Variants in IQCN observed in about 807,000 individuals in gnomAD.
The protein encoded by IQCN is IQ domain-containing protein N.
Under a neutral mutation model 64.4 loss-of-function variants are expected in IQCN, and 46 were observed. The observed-to-expected ratio is 0.71, with a 90% confidence interval of 0.56 to 0.91. The LOEUF (loss-of-function observed/expected upper bound fraction) is 0.91, where lower values mean the gene tolerates loss of function less well. Among genes scored for constraint, IQCN ranks in the 40% least tolerant of loss-of-function variants. The probability of loss-of-function intolerance (pLI) is 0.00; values close to 1 mark genes in which losing one functional copy is unlikely to be tolerated. For synonymous variants in IQCN, 733 were observed against 775.6 expected (o/e 0.95, Z 0.91); for missense variants, 1,753 against 1,857.4 (o/e 0.94, Z 1.03).
intron 3 of IQCN, chr19:18,262,745 G>A (rs1969458602): frequency 6.6e-6 from 1 of 152,214 alleles, no homozygotes; most frequent in Non-Finnish European, 1.5e-5. Context: ...ATAGGCTTGG[G>A]GCCAGCCTAC....
rs1164021046 is a variant in IQCN, at chr19:18,258,316, C to T, written c.3178-210G>A. On this transcript the variant is annotated intron_variant, in intron 3 of 3. Transcript: ENST00000392413. ...TGTGTCATCTCCCCAGTGCGGATGA[C>T]GGGCCTTACCTCTGCAGAGGGCCTG... 7.1e-6 allele frequency: 5 copies of T among 706,722 alleles called. No homozygotes were observed. In the Admixed American group the frequency reaches 1.0e-4, roughly 14 times the overall value. 43.8% of individuals were successfully genotyped at this position (706,722 alleles called of 1,614,324 possible). A position where few individuals can be genotyped will look rare whatever the true frequency, so the allele number is the denominator to read the frequency against.
intron 2 of IQCN, among the ~76,000 whole-genome samples, chr19:18,268,686 A>G (rs60609985): frequency 0.35 from 53,699 of 151,574 alleles, 10,232 homozygotes; most frequent in African/African-American, 0.49. Flanking sequence ...AAAGTAGGCC[A>G]GGCACAGTGG....
rs563174119 is a variant in IQCN at position 18,271,881 on chromosome 19, C to G, written c.-109-2294G>C. Reference sequence around the variant, plus strand: ...AGTGCAGCGGCACTCAGCATCTTGGCTCACTGCAACCTCCGCCTCCTGGGT... The same window carrying G: ...AGTGCAGCGGCACTCAGCATCTTGGGTCACTGCAACCTCCGCCTCCTGGGT... On this transcript the variant is annotated intron_variant, in intron 1 of 3. Coordinates refer to ENST00000392413, the MANE Select transcript of IQCN (RefSeq NM_001145304.2). Among the ~76,000 whole-genome samples, 434 of 152,256 alleles carry G rather than the reference C, an allele frequency of 2.9e-3. 4 individuals carry two copies. Among genetic ancestry groups the G allele is most frequent in the Middle Eastern group, 6.8e-3 (2 of 294 alleles).
intron 3 of IQCN, among the ~76,000 whole-genome samples, chr19:18,263,982 G>A (rs546968910): frequency 5.3e-5 from 8 of 152,304 alleles, no homozygotes; most frequent in East Asian, 3.9e-4. Context: ...CCACAGACTC[G>A]GGGGTGGCTG....
chr19:18,258,139 G>T, intron 3 of IQCN, 33 bp from the exon 4 acceptor site: 1 of 1,600,576 alleles, frequency 6.2e-7, no homozygotes, highest in South Asian at 1.1e-5. Context: ...GATGCCTTGT[G>T]ACTAACGGCA....
Position 18,257,986 on chromosome 19 carries a change from C to G in IQCN, c.3298G>C (p.Gly1100Arg). 1 of 1,612,434 alleles carries G rather than the reference C, an allele frequency of 6.2e-7. No individual in the cohort carries two copies. The change falls in exon 4 of 4, where the codon GGG (glycine) becomes CGG (arginine). Residue 1100 changes from glycine to arginine, a missense_variant. Gly to Arg is a moderately radical substitution (Grantham distance 125). Coordinates refer to ENST00000392413, the MANE Select transcript of IQCN (RefSeq NM_001145304.2). Reference sequence around the variant, plus strand: ...GCCTGCATGGACACCATTGGCTCCCCGGACCGCCTGGGAGGCACCACCGCC... The same window carrying G: ...GCCTGCATGGACACCATTGGCTCCCGGGACCGCCTGGGAGGCACCACCGCC... Reference protein sequence around the residue: ...NKAVVPPRRSGEPMVSMQAAE... With the variant: ...NKAVVPPRRSREPMVSMQAAE...
rs2148111972 is a variant in IQCN, at chr19:18,270,570, G to A, written c.-109-983C>T. Among the ~76,000 whole-genome samples the A allele has an allele frequency of 1.3e-5, 2 of 151,994 alleles. 1 individual carries two copies. Among genetic ancestry groups the A allele is most frequent in the South Asian group, 4.2e-4 (2 of 4,818 alleles). On this transcript the variant is annotated intron_variant, in intron 1 of 3. Coordinates refer to ENST00000392413, the MANE Select transcript of IQCN (RefSeq NM_001145304.2). The stretch of plus-strand genomic sequence containing the variant: ...GCTACTCGGGAGGCTGAGACAGGAG[G>A]ATCATTTGAGGCCAGGAGGTTGAGA...
In IQCN at chr19:18,264,591, C is replaced by A. The variant is rs543078285; in HGVS notation, c.2949G>T (p.Glu983Asp). The change falls in exon 3 of 4, where the codon GAG becomes GAT. Residue 983 changes from glutamate (E) to aspartate (D), a missense_variant. Physicochemically the swap from Glu to Asp is conservative, Grantham distance 45. Coordinates refer to ENST00000392413, the MANE Select transcript of IQCN (RefSeq NM_001145304.2). This position sits in a 1 kb window ranked among gnomAD's most constrained non-coding sequence, Gnocchi z 4.3. ...ACAGGGCCTGGCTCAGAGCCACCCA[C>A]TCCTCCTCCGTCAAAGCCTTGCTAA... Reference protein sequence around the residue: ...EVLSKALTEEEWVALSQALCQ... With the variant: ...EVLSKALTEEDWVALSQALCQ... The A allele has an allele frequency of 1.9e-6, 3 of 1,551,452 alleles. No homozygotes were observed. Among genetic ancestry groups the A allele is most frequent in the East Asian group, 4.9e-5 (2 of 40,920 alleles).
Position 18,257,265 on chromosome 19 carries a change from C to T in IQCN, c.4019G>A (p.Arg1340Gln), listed in dbSNP as rs760086120. 6.8e-6 allele frequency: 11 copies of T among 1,613,596 alleles called. No individual in the cohort carries two copies. In the East Asian group the frequency reaches 1.1e-4, roughly 16 times the overall value. Residue 1340 changes from arginine to glutamine, a missense_variant, in exon 4 of 4, where the codon CGG becomes CAG. By Grantham distance (43) the Arg-to-Gln change is conservative (BLOSUM62 1). Coordinates refer to ENST00000392413, the MANE Select transcript of IQCN (RefSeq NM_001145304.2). ...CGCCTCTGTGTTCTTCAGACAGCTC[C>T]GGGTATGGTGGCCTCGCCAGGTGGC... ...VQATWRGHHT[R>Q]SCLKNTEALL...
In IQCN at chr19:18,258,092, A is replaced by T. The variant is rs1297974923; in HGVS notation, c.3192T>A (p.Ala1064=). The T allele has an allele frequency of 6.2e-7, 1 of 1,610,698 alleles. No homozygotes were observed. The highest frequency in any genetic ancestry group is 1.3e-5 in the African/African-American group (1 of 74,906). ...TCCACGATTGGCCACCAACCACACCAGCGTCCGCGGGGCCCTGGAGTATAG... is the reference window on the plus strand; with the variant it reads ...TCCACGATTGGCCACCAACCACACCTGCGTCCGCGGGGCCCTGGAGTATAG... ...RPQTSKGPAD[A]GVVGGQSWNR... Residue 1064 remains alanine, a synonymous_variant, in exon 4 of 4, where the codon GCT becomes GCA. Coordinates refer to ENST00000392413, the MANE Select transcript of IQCN (RefSeq NM_001145304.2).
chr19:18,266,127 A>T lies in IQCN; in HGVS notation c.1413T>A (p.Cys471Ter). 6.2e-7 allele frequency: 1 copy of T among 1,613,990 alleles called. No individual in the cohort carries two copies. Among genetic ancestry groups the T allele is most frequent in the South Asian group, 1.1e-5 (1 of 91,080 alleles). ...TTPAKNPLQT[C>*]LSATMSKTSS... ...AAGTCTTGGACATTGTGGCTGACAG[A>T]CATGTTTGCAATGGGTTTTTGGCTG... Residue 471 changes from cysteine (C) to a stop codon, truncating the protein, a stop_gained, in exon 3 of 4, where the codon TGT (cysteine) becomes TGA (stop). Coordinates refer to ENST00000392413, the MANE Select transcript of IQCN (RefSeq NM_001145304.2). LOFTEE classifies it high-confidence loss of function. This position sits in a 1 kb window ranked among gnomAD's most constrained non-coding sequence, Gnocchi z 4.3.
In IQCN at chr19:18,265,085, CCT is replaced by C. The variant is rs769441295; in HGVS notation, c.2453_2454del (p.Gln818ArgfsTer9). 3.1e-4 allele frequency: 500 copies of C among 1,601,926 alleles called. 2 individuals carry two copies. The highest frequency in any genetic ancestry group is 4.2e-4 in the East Asian group (19 of 44,874). On this transcript the variant is annotated frameshift_variant, in exon 3 of 4. Transcript: ENST00000392413. LOFTEE classifies it high-confidence loss of function. This position sits in a 1 kb window ranked among gnomAD's most constrained non-coding sequence, Gnocchi z 4.7. ...TCACAGGCTGCCGGGCATGGTCCCC[CCT>C]GAGTGGTCTTCCCCGGCACGTGTCC... ...PHGHVPGKTT[Q>X]GGPCPAACEV...
Position 18,257,100 on chromosome 19 carries a change from G to T in IQCN, c.*80C>A. On this transcript the variant is annotated 3_prime_UTR_variant, in exon 4 of 4. Transcript: ENST00000392413. ...CCCAGAACACATCACCCAAGATCTA[G>T]GCTGTGGAGGACTTTATTCATTAGA... The T allele has an allele frequency of 1.4e-6, 2 of 1,412,860 alleles. No individual in the cohort carries two copies. The highest frequency in any genetic ancestry group is 1.4e-5 in the African/African-American group (1 of 70,892). 87.5% of individuals were successfully genotyped at this position (1,412,860 alleles called of 1,614,324 possible). A position where few individuals can be genotyped will look rare whatever the true frequency, so the allele number is the denominator to read the frequency against.
At chr19:18,270,104 A>G (rs994867578) in intron 1 of IQCN, among the ~76,000 whole-genome samples, 1 of 150,000 alleles carries the variant, frequency 6.7e-6, no homozygotes, top group East Asian at 2.0e-4. Context: ...TCACGCCTGT[A>G]ATTCCAGCAC....
chr19:18,266,269 G>T lies in IQCN; in HGVS notation c.1271C>A (p.Thr424Lys), dbSNP rs141411066. The T allele has an allele frequency of 6.2e-7, 1 of 1,613,658 alleles. No individual in the cohort carries two copies. Among genetic ancestry groups the T allele is most frequent in the Non-Finnish European group, 8.5e-7 (1 of 1,179,756 alleles). The change falls in exon 3 of 4, where the codon ACG becomes AAG. Residue 424 changes from threonine to lysine, a missense_variant. Physicochemically the swap from Thr to Lys is moderately conservative, Grantham distance 78. Coordinates refer to ENST00000392413, the MANE Select transcript of IQCN (RefSeq NM_001145304.2). The surrounding 1 kb of genome is among the most constrained non-coding windows in gnomAD (Gnocchi z 4.3). ...GGAAACCTGAGGTCGGTTCTTTGCCGTGATGGTCGCAGGGCATGTCTGCCG... is the reference window on the plus strand; with the variant it reads ...GGAAACCTGAGGTCGGTTCTTTGCCTTGATGGTCGCAGGGCATGTCTGCCG... ...TPRQTCPATI[T>K]AKNRPQVSLL...
chr19:18,272,069 C>T (rs1250123464), intron 1 of IQCN, among the ~76,000 whole-genome samples: 4 of 151,820 alleles, frequency 2.6e-5, no homozygotes, highest in South Asian at 2.1e-4. Flanking sequence ...TCAGGTGATT[C>T]GCCTGCCTCG....
intron 1 of IQCN, among the ~76,000 whole-genome samples, chr19:18,270,051 T>TAAAAAAAAAAAAAAAAA (rs60981546): frequency 7.9e-5 from 6 of 75,830 alleles, no homozygotes; most frequent in African/African-American, 3.1e-4. Context: ...AACTGTCTCT[T>TAAAAAAAAAAAAAAAAA]AAAAAAAAAA....
chr19:18,267,100 T>A lies in IQCN; in HGVS notation c.440A>T (p.His147Leu). Reference sequence around the variant, plus strand: ...TTTCTTTACCAACGACTTGCTGGAGTGAAGGATGTGTCTCTTGTTGAAGCG... The same window carrying A: ...TTTCTTTACCAACGACTTGCTGGAGAGAAGGATGTGTCTCTTGTTGAAGCG... ...WRRFNKRHIL[H>L]SSKSLVKKTR... Residue 147 changes from histidine (H) to leucine (L), a missense_variant, in exon 3 of 4, where the codon CAC becomes CTC. Transcript: ENST00000392413. 1 of 1,614,082 alleles carries A rather than the reference T, an allele frequency of 6.2e-7. No homozygotes were observed. Among genetic ancestry groups the A allele is most frequent in the Non-Finnish European group, 8.5e-7 (1 of 1,180,000 alleles).
Position 18,265,455 on chromosome 19 carries a change from AT to A in IQCN, c.2084del (p.His695LeufsTer6), listed in dbSNP as rs761084742. ...GGGTCTTGGTCAGCTCAGTGGGCAGATGTCCCTGAGATGAGGCCTTGGTCAG... is the reference window on the plus strand; with the variant it reads ...GGGTCTTGGTCAGCTCAGTGGGCAGAGTCCCTGAGATGAGGCCTTGGTCAG... ...APLTKASSQG[H>X]LPTELTKTPS... On this transcript the variant is annotated frameshift_variant, in exon 3 of 4. Transcript: ENST00000392413. LOFTEE classifies it high-confidence loss of function. The surrounding 1 kb of genome is among the most constrained non-coding windows in gnomAD (Gnocchi z 4.7). 3.1e-6 allele frequency: 5 copies of A among 1,613,818 alleles called. No homozygotes were observed. The highest frequency in any genetic ancestry group is 4.2e-6 in the Non-Finnish European group (5 of 1,179,804).
Sources: gnomAD v4.1 joint callset for allele counts (sites outside exome capture counted in the v4.1 genomes callset) on GRCh38, gnomAD v4.1.1 for gene constraint, Gnocchi (gnomAD v3.1) non-coding constraint, MANE v1.5 for transcripts, NCBI Gene and HGNC (gene_info 2026-07-23, HGNC 2026-07-21) for gene names.